Variants in HCN1 observed in about 807,000 individuals in gnomAD.
HCN1 encodes the protein potassium/sodium hyperpolarization-activated cyclic nucleotide-gated channel 1.
HCN1 carries 13 observed loss-of-function variants against 78.9 expected under a neutral mutation model. The observed-to-expected ratio is 0.16, with a 90% CI of 0.11 to 0.26. The LOEUF is 0.26. Among genes scored for constraint, HCN1 ranks in the 10% least tolerant of loss-of-function variants. HCN1 has a pLI of 1.00. For synonymous variants in HCN1, 552 were observed against 455.5 expected, an observed-to-expected ratio of 1.21 and a Z score of -2.70; for missense variants, 810 against 1,154.3, an observed-to-expected ratio of 0.70 and a Z score of 4.32.
At position 45,392,460 on chromosome 5, in the gene HCN1, T is replaced by C. The variant is rs372604746; in HGVS notation, c.1230+4032A>G. Among the ~76,000 whole-genome samples the C allele has an allele frequency of 8.7e-4, 132 of 152,316 alleles. 1 individual carries two copies. The South Asian group carries it at 0.019, about 22-fold the overall frequency. ...AATTGAATCATTTTATATAGGTGGA[T>C]AATGATTACATATTACTCCTTTGTA... On this transcript the variant is annotated intron_variant, in intron 4 of 7. Transcript: ENST00000303230.
In HCN1 at chr5:45,408,732, T is replaced by C. The variant is rs1278329484; in HGVS notation, c.1012-12022A>G. On this transcript the variant is annotated intron_variant, in intron 3 of 7. Coordinates refer to ENST00000303230, the MANE Select transcript of HCN1 (RefSeq NM_021072.4). ...TGATCATTCTCAAATTAGTAGATCA[T>C]CTCTTTTATGGCATTCTTGAAGTGT... is the stretch of plus-strand genomic sequence containing the variant. Among the ~76,000 whole-genome samples, 6 of 152,302 alleles carry C rather than the reference T, an allele frequency of 3.9e-5. No individual in the cohort carries two copies. The East Asian group carries it at 9.6e-4, about 24-fold the overall frequency.
intron 1 of HCN1, among the ~76,000 whole-genome samples, chr5:45,684,897 T>C (rs915255012): frequency 5.9e-5 from 9 of 152,228 alleles, no homozygotes; most frequent in African/African-American, 2.2e-4. Flanking sequence ...TCAAGTAACT[T>C]TCTATATTCA....
chr5:45,641,220 A>G (rs994575633), intron 2 of HCN1, among the ~76,000 whole-genome samples: 7 of 152,242 alleles, frequency 4.6e-5, no homozygotes, highest in Non-Finnish European at 1.0e-4. Context: ...GGCAATTTAT[A>G]GTAACAGTTA....
chr5:45,552,980 A>C (rs1319404406), intron 2 of HCN1, among the ~76,000 whole-genome samples: 1 of 151,950 alleles, frequency 6.6e-6, no homozygotes, highest in Non-Finnish European at 1.5e-5. Flanking sequence ...AGAAAATTGC[A>C]CCTCAAAATA....
chr5:45,600,452 A>T (rs1161720517), intron 2 of HCN1, among the ~76,000 whole-genome samples: 1 of 152,212 alleles, frequency 6.6e-6, no homozygotes, highest in Admixed American at 6.6e-5. Context: ...CATATGTGAT[A>T]AAATTTTTAG....
chr5:45,526,780 T>C (rs1260077056), intron 2 of HCN1, among the ~76,000 whole-genome samples: 1 of 152,062 alleles, frequency 6.6e-6, no homozygotes, highest in African/African-American at 2.4e-5. Context: ...CTTTCTCAGA[T>C]ACTTATCCTC....
chr5:45,470,205 G>T (rs1484674738), intron 2 of HCN1, among the ~76,000 whole-genome samples: 1 of 151,926 alleles, frequency 6.6e-6, no homozygotes, highest in Admixed American at 6.6e-5. Context: ...TATTTGAGTG[G>T]GTTTGTGTCA....
intron 2 of HCN1, among the ~76,000 whole-genome samples, chr5:45,562,338 T>C (rs2111882742): frequency 6.6e-6 from 1 of 152,244 alleles, no homozygotes; most frequent in South Asian, 2.1e-4. Flanking sequence ...CAGAATGATA[T>C]CAGAGAAAAA....
intron 2 of HCN1, among the ~76,000 whole-genome samples, chr5:45,515,445 C>T (rs1742498826): frequency 6.6e-6 from 1 of 151,934 alleles, no homozygotes; most frequent in African/African-American, 2.4e-5. Flanking sequence ...CTTAGAGAAA[C>T]ATGAACAAAA....
chr5:45,434,538 T>C (rs1470087863), intron 3 of HCN1, among the ~76,000 whole-genome samples: 2 of 152,222 alleles, frequency 1.3e-5, no homozygotes, highest in Admixed American at 1.3e-4. Flanking sequence ...GGAGGAACAG[T>C]TGACATTTTT....
intron 7 of HCN1, among the ~76,000 whole-genome samples, chr5:45,264,045 G>T (rs905818340): frequency 3.9e-5 from 6 of 152,154 alleles, no homozygotes; most frequent in Admixed American, 3.9e-4. Context: ...CACCCGCCTC[G>T]GCCTCCCAAA....
At position 45,621,978 on chromosome 5, in the gene HCN1, T is replaced by C. The variant is rs182623229; in HGVS notation, c.849+23207A>G. 2.6e-5 allele frequency among the ~76,000 whole-genome samples: 4 copies of C among 152,248 alleles called. No homozygotes were observed. The East Asian group carries it at 7.7e-4, about 29-fold the overall frequency. On this transcript the variant is annotated intron_variant, in intron 2 of 7. Transcript: ENST00000303230. Reference sequence around the variant, plus strand: ...GTATCTTAAGATTAATTCTTTTTCTTGGGAGGCTGAGGCAGGCAGATCACG... The same window carrying C: ...GTATCTTAAGATTAATTCTTTTTCTCGGGAGGCTGAGGCAGGCAGATCACG...
chr5:45,393,611 C>A (rs903402209), intron 4 of HCN1, among the ~76,000 whole-genome samples: 16 of 152,120 alleles, frequency 1.1e-4, no homozygotes, highest in Non-Finnish European at 4.4e-5. Context: ...CATGTTAAAT[C>A]TTCAGGGCAC....
intron 3 of HCN1, among the ~76,000 whole-genome samples, chr5:45,398,309 A>G (rs1372543636): frequency 6.6e-6 from 1 of 152,088 alleles, no homozygotes; most frequent in Non-Finnish European, 1.5e-5. Flanking sequence ...GATTCTATGT[A>G]CTCTTCACTC....
chr5:45,282,495 G>A (rs1579777275), intron 6 of HCN1, among the ~76,000 whole-genome samples: 1 of 152,148 alleles, frequency 6.6e-6, no homozygotes, highest in East Asian at 1.9e-4. Flanking sequence ...CCTAGCCAAG[G>A]TAAAGACAAT....
chr5:45,625,991 G>A (rs1480134133), intron 2 of HCN1, among the ~76,000 whole-genome samples: 1 of 152,136 alleles, frequency 6.6e-6, no homozygotes, highest in African/African-American at 2.4e-5. Flanking sequence ...TATGTGCCAG[G>A]AATTGTGTTC....
chr5:45,320,155 CTTCT>C (rs1173106165), intron 5 of HCN1, among the ~76,000 whole-genome samples: 1 of 151,810 alleles, frequency 6.6e-6, no homozygotes. Context: ...TAAGATCTTC[CTTCT>C]AAGAACTTAG....
chr5:45,670,269 A>G (rs1746124051), intron 1 of HCN1, among the ~76,000 whole-genome samples: 1 of 151,692 alleles, frequency 6.6e-6, no homozygotes, highest in South Asian at 2.1e-4. Flanking sequence ...TCTCCAAATA[A>G]CGCTTTACTG....
chr5:45,683,902 C>T (rs576491537), intron 1 of HCN1, among the ~76,000 whole-genome samples: 1 of 152,154 alleles, frequency 6.6e-6, no homozygotes, highest in African/African-American at 2.4e-5. Flanking sequence ...AACTCCTGAG[C>T]TCAAGAGAGC....
Sources: allele counts gnomAD v4.1 joint callset (sites outside exome capture counted in the v4.1 genomes callset), GRCh38; gene constraint gnomAD v4.1.1; transcripts MANE v1.5; gene names NCBI Gene and HGNC (gene_info 2026-07-23, HGNC 2026-07-21).